The following APP variants were observed in gnomAD, a reference collection of about 807,000 sequenced individuals.
APP encodes amyloid-beta precursor protein.
A neutral mutation model predicts 101.4 loss-of-function variants in APP; 31 were observed. The observed-to-expected ratio is 0.31, with a 90% CI of 0.23 to 0.41. APP has a LOEUF of 0.41. APP is among the 10% of genes least tolerant of loss of function. APP has a pLI of 1.00. For missense variants in APP, 839 were observed against 1,003.7 expected (o/e 0.84, Z 2.22); for synonymous variants, 366 against 364.4 (o/e 1.00, Z -0.05).
At chr21:26,073,270 G>A (rs936751668) in intron 3 of APP, among the ~76,000 whole-genome samples, 1 of 151,560 alleles carries the variant, frequency 6.6e-6, no homozygotes, top group African/African-American at 2.4e-5. Flanking sequence ...AAAAGGTGGC[G>A]CGGGGAGGAC....
chr21:25,988,702 C>CA (rs537417600), intron 8 of APP, among the ~76,000 whole-genome samples: 4,168 of 62,112 alleles, frequency 0.067, 155 homozygotes, highest in Middle Eastern at 0.11. Context: ...AACTCTGTCT[C>CA]AAAAAAAAAA....
intron 1 of APP, among the ~76,000 whole-genome samples, chr21:26,137,036 G>A (rs950411771): frequency 1.6e-5 from 2 of 121,634 alleles, no homozygotes; most frequent in African/African-American, 8.3e-5. Context: ...CTGGGTTCAA[G>A]AGATCCTCCC....
chr21:26,007,422 T>C (rs2043583281), intron 6 of APP, among the ~76,000 whole-genome samples: 1 of 147,456 alleles, frequency 6.8e-6, no homozygotes, highest in Non-Finnish European at 1.5e-5. Flanking sequence ...ATAAATATAA[T>C]TTATGTATTA....
chr21:25,992,098 A>G (rs188206487), intron 8 of APP, among the ~76,000 whole-genome samples: 1 of 152,342 alleles, frequency 6.6e-6, no homozygotes, highest in Non-Finnish European at 1.5e-5. Flanking sequence ...AAAATACTGT[A>G]TAGGCCAAGC....
chr21:25,996,941 C>T (rs1366728113), intron 8 of APP, among the ~76,000 whole-genome samples: 1 of 152,200 alleles, frequency 6.6e-6, no homozygotes, highest in Admixed American at 6.5e-5. Flanking sequence ...CCATTGCTAG[C>T]TTTGCTAAGT....
intron 7 of APP, 38 bp downstream of exon 7, chr21:25,999,977 G>C (rs1037693991): frequency 6.2e-7 from 1 of 1,609,594 alleles, no homozygotes; most frequent in Non-Finnish European, 8.5e-7. Flanking sequence ...TGGCGAGAGA[G>C]ACGAAAGGTG....
intron 1 of APP, among the ~76,000 whole-genome samples, chr21:26,168,526 A>C (rs2063666180): frequency 1.3e-5 from 2 of 152,224 alleles, no homozygotes; most frequent in Non-Finnish European, 2.9e-5. Context: ...ACAGACCAAA[A>C]ACTAAATTCG....
chr21:26,124,478 G>C (rs1470971866), intron 1 of APP, among the ~76,000 whole-genome samples: 1 of 152,120 alleles, frequency 6.6e-6, no homozygotes, highest in Non-Finnish European at 1.5e-5. Context: ...TTGTAATTCA[G>C]GCAACATTTT....
intron 9 of APP, among the ~76,000 whole-genome samples, chr21:25,981,383 A>G (rs2042424107): frequency 6.6e-6 from 1 of 152,214 alleles, no homozygotes; most frequent in African/African-American, 2.4e-5. Context: ...GGCTTACTTT[A>G]ACCTGAGATC....
chr21:26,060,328 T>A (rs1168812417), intron 3 of APP, among the ~76,000 whole-genome samples: 1 of 151,636 alleles, frequency 6.6e-6, no homozygotes, highest in Non-Finnish European at 1.5e-5. Flanking sequence ...CGGGGTGGAG[T>A]CCCTACGACT....
At chr21:25,885,433 C>G (rs899552643) in intron 17 of APP, among the ~76,000 whole-genome samples, 1 of 152,228 alleles carries the variant, frequency 6.6e-6, no homozygotes, top group East Asian at 1.9e-4. Flanking sequence ...GGTGCTTGTT[C>G]TGGAAGGAAT....
intron 3 of APP, among the ~76,000 whole-genome samples, chr21:26,085,835 A>C (rs982365604): frequency 1.3e-5 from 2 of 152,232 alleles, no homozygotes; most frequent in Non-Finnish European, 2.9e-5. Context: ...AATTAATATG[A>C]ATTGAATACC....
rs377648676 is a variant in APP at position 26,058,665 on chromosome 21, G to A, written c.356-5317C>T. ...AAACTGACTCTGCTGCCAGGATGGC[G>A]GCACCTGGGGGTGTCATCCCAGCTA... On this transcript the variant is annotated intron_variant, in intron 3 of 17. Transcript: ENST00000346798. Among the ~76,000 whole-genome samples the A allele has an allele frequency of 6.2e-4, 94 of 152,290 alleles. 2 individuals are homozygous for A. The East Asian group carries it at 0.017, about 28-fold the overall frequency.
At chr21:26,156,928 C>T (rs1000462970) in intron 1 of APP, among the ~76,000 whole-genome samples, 4 of 152,026 alleles carry the variant, frequency 2.6e-5, no homozygotes, top group African/African-American at 9.7e-5. Context: ...AACACTCTTT[C>T]TAATTTTTCA....
At chr21:25,887,770 G>A (rs116725814) in intron 17 of APP, among the ~76,000 whole-genome samples, 4,811 of 152,196 alleles carry the variant, frequency 0.032, 229 homozygotes, top group African/African-American at 0.11. Context: ...CACAGGTGTG[G>A]AGCCTAGGAG....
intron 15 of APP, among the ~76,000 whole-genome samples, chr21:25,899,260 C>G (rs542133207): frequency 6.6e-6 from 1 of 152,288 alleles, no homozygotes; most frequent in African/African-American, 2.4e-5. Context: ...TGCAGTTGGT[C>G]TGGGTCATAA....
intron 17 of APP, among the ~76,000 whole-genome samples, chr21:25,886,135 C>T (rs185351323): frequency 1.3e-5 from 2 of 151,296 alleles, no homozygotes; most frequent in East Asian, 3.9e-4. Flanking sequence ...AACAATACAA[C>T]AATAGTGTGA....
At chr21:26,170,067 C>T (rs1004410197) in intron 1 of APP, among the ~76,000 whole-genome samples, 1 of 152,126 alleles carries the variant, frequency 6.6e-6, no homozygotes, top group Non-Finnish European at 1.5e-5. Flanking sequence ...CAGGGAAAAG[C>T]GAGGGGCTCC....
At chr21:25,960,630 GCT>G (rs1275960494) in intron 11 of APP, among the ~76,000 whole-genome samples, 1 of 152,164 alleles carries the variant, frequency 6.6e-6, no homozygotes, top group African/African-American at 2.4e-5. Flanking sequence ...AGCAAAGGAG[GCT>G]CTGAGGACTC....
Sources: gnomAD v4.1 joint callset for allele counts (sites outside exome capture counted in the v4.1 genomes callset) on GRCh38, gnomAD v4.1.1 for gene constraint, MANE v1.5 for transcripts, NCBI Gene and HGNC (gene_info 2026-07-23, HGNC 2026-07-21) for gene names.